LSAMP: variants seen among roughly 807,000 people sequenced by gnomAD.
LSAMP encodes limbic system-associated membrane protein.
Under a neutral mutation model 38.6 loss-of-function variants are expected in LSAMP, and 7 were observed. That is an observed-to-expected ratio of 0.18 (90% confidence interval 0.10 to 0.34). The LOEUF (loss-of-function observed/expected upper bound fraction) is 0.34. Ranked by LOEUF, LSAMP falls within the 10% of genes least tolerant of loss-of-function variation. The pLI, the probability that LSAMP is intolerant of heterozygous loss-of-function variation, is 1.00. For synonymous variants in LSAMP, 154 were observed against 166.8 expected (o/e 0.92, Z 0.59); for missense variants, 313 against 420.0 (o/e 0.75, Z 2.23).
chr3:116,302,449 CT>C (rs2047423132), intron 1 of LSAMP, among the ~76,000 whole-genome samples: 1 of 152,198 alleles, frequency 6.6e-6, no homozygotes. Flanking sequence ...ACTCCACCCC[CT>C]ATGACACAAT....
At chr3:116,145,521 C>T (rs572610878) in intron 1 of LSAMP, among the ~76,000 whole-genome samples, 2 of 151,910 alleles carry the variant, frequency 1.3e-5, no homozygotes, top group Non-Finnish European at 2.9e-5. Context: ...TCTGTTAAGG[C>T]CTCAACTGAT....
intron 1 of LSAMP, among the ~76,000 whole-genome samples, chr3:116,287,348 C>T (rs183882102): frequency 4.5e-4 from 69 of 152,196 alleles, no homozygotes; most frequent in African/African-American, 1.3e-3. Flanking sequence ...TATGAGAAGA[C>T]GCACTCCCAA....
intron 1 of LSAMP, among the ~76,000 whole-genome samples, chr3:116,379,865 T>C (rs2107800239): frequency 6.6e-6 from 1 of 152,174 alleles, no homozygotes; most frequent in African/African-American, 2.4e-5. Context: ...GATTGAAAGA[T>C]GGAAACTTAG....
chr3:116,313,789 A>G (rs555895358), intron 1 of LSAMP, among the ~76,000 whole-genome samples: 1 of 152,192 alleles, frequency 6.6e-6, no homozygotes, highest in Admixed American at 6.5e-5. Flanking sequence ...CCCTGTCTGT[A>G]CTAAAAATAC....
chr3:116,336,155 G>T (rs2047917281), intron 1 of LSAMP, among the ~76,000 whole-genome samples: 1 of 151,786 alleles, frequency 6.6e-6, no homozygotes, highest in Admixed American at 6.6e-5. Context: ...AATTGTAAAG[G>T]TCTTAGCAAA....
In LSAMP at chr3:116,082,405, C is replaced by T. The variant is rs115599238; in HGVS notation, c.388+3919G>A. Among the ~76,000 whole-genome samples, 655 of 152,260 alleles carry T rather than the reference C, an allele frequency of 4.3e-3. 3 individuals are homozygous for T. In the Middle Eastern group the frequency reaches 0.051, roughly 12 times the overall value. On this transcript the variant is annotated intron_variant, in intron 2 of 6. Transcript: ENST00000490035. ...GTGTGCATCTGAATCACCTGCAGAG[C>T]ACAATGATTCAGAAGTTTAGTTCCC...
intron 3 of LSAMP, among the ~76,000 whole-genome samples, chr3:115,875,432 G>A (rs563350738): frequency 7.2e-5 from 11 of 152,082 alleles, no homozygotes; most frequent in Non-Finnish European, 1.5e-4. Flanking sequence ...CACTGTAGCC[G>A]TCTCTCTATA....
At chr3:115,869,301 A>ACT (rs1553742923) in intron 3 of LSAMP, among the ~76,000 whole-genome samples, 4 of 151,452 alleles carry the variant, frequency 2.6e-5, no homozygotes, top group African/African-American at 9.7e-5. Context: ...AGAGAGAGAG[A>ACT]GACTGACTGA....
At chr3:116,345,127 T>C (rs2048048333) in intron 1 of LSAMP, among the ~76,000 whole-genome samples, 2 of 152,174 alleles carry the variant, frequency 1.3e-5, no homozygotes, top group Non-Finnish European at 1.5e-5. Flanking sequence ...TGGAGATTAC[T>C]ATTTGTCTGC....
intron 1 of LSAMP, among the ~76,000 whole-genome samples, chr3:116,132,635 T>C (rs1180054030): frequency 6.6e-6 from 1 of 152,240 alleles, no homozygotes; most frequent in African/African-American, 2.4e-5. Context: ...CTCGTTTTTT[T>C]CTTAACAAAT....
At chr3:116,288,044 C>G (rs1042820521) in intron 1 of LSAMP, among the ~76,000 whole-genome samples, 4 of 152,172 alleles carry the variant, frequency 2.6e-5, no homozygotes, top group Admixed American at 1.3e-4. Flanking sequence ...AAGTAAGATA[C>G]TATGACCATA....
chr3:116,427,224 C>T lies in LSAMP; in HGVS notation c.155+17653G>A, dbSNP rs371617561. On this transcript the variant is annotated intron_variant, in intron 1 of 6. Transcript: ENST00000490035. ...CAAGCTCCGCTTCCCGGGTTCACGCCATTCTCCTGCCTCAGCCTCCCGAGT... is the reference window on the plus strand; with the variant it reads ...CAAGCTCCGCTTCCCGGGTTCACGCTATTCTCCTGCCTCAGCCTCCCGAGT... Among the ~76,000 whole-genome samples, 68 of 149,940 alleles carry T rather than the reference C, an allele frequency of 4.5e-4. No homozygotes were observed. The East Asian group carries it at 0.012, about 26-fold the overall frequency.
intron 3 of LSAMP, among the ~76,000 whole-genome samples, chr3:115,914,899 A>C (rs1353516038): frequency 1.3e-5 from 2 of 152,188 alleles, no homozygotes; most frequent in African/African-American, 4.8e-5. Flanking sequence ...GGAATTGGGA[A>C]GTACATTTTT....
At chr3:116,117,901 G>T (rs750153251) in intron 1 of LSAMP, among the ~76,000 whole-genome samples, 1 of 151,990 alleles carries the variant, frequency 6.6e-6, no homozygotes, top group African/African-American at 2.4e-5. Context: ...GTGAAGTTAC[G>T]ATTGGTATGG....
intron 1 of LSAMP, among the ~76,000 whole-genome samples, chr3:116,163,289 T>C (rs1361101828): frequency 6.9e-6 from 1 of 144,514 alleles, no homozygotes; most frequent in East Asian, 2.2e-4. Flanking sequence ...TGTGTTCTCA[T>C]TGTTCAATTC....
intron 1 of LSAMP, among the ~76,000 whole-genome samples, chr3:116,379,512 G>A (rs2048532155): frequency 6.6e-6 from 1 of 151,944 alleles, no homozygotes; most frequent in Non-Finnish European, 1.5e-5. Context: ...GCAATGGGAA[G>A]ACTTTGAAGA....
chr3:116,177,151 A>G (rs1710367348), intron 1 of LSAMP, among the ~76,000 whole-genome samples: 1 of 152,124 alleles, frequency 6.6e-6, no homozygotes, highest in Non-Finnish European at 1.5e-5. Flanking sequence ...GAGATTCAGT[A>G]AGTTCAGTAA....
chr3:115,896,980 C>A (rs965490805), intron 3 of LSAMP, among the ~76,000 whole-genome samples: 1 of 152,076 alleles, frequency 6.6e-6, no homozygotes, highest in African/African-American at 2.4e-5. Context: ...TGTATCTATT[C>A]CCACTCCTTT....
chr3:116,254,435 AAG>A (rs557545162), intron 1 of LSAMP, among the ~76,000 whole-genome samples: 13 of 152,274 alleles, frequency 8.5e-5, no homozygotes, highest in African/African-American at 3.1e-4. Flanking sequence ...TAGAGGGAGA[AAG>A]AGAAAGGGAA....
Sources: allele counts gnomAD v4.1 joint callset (sites outside exome capture counted in the v4.1 genomes callset), GRCh38; gene constraint gnomAD v4.1.1; transcripts MANE v1.5; gene names NCBI Gene and HGNC (gene_info 2026-07-23, HGNC 2026-07-21).